Variants in EDNRA observed in about 807,000 individuals in gnomAD.
EDNRA encodes the protein endothelin-1 receptor.
EDNRA carries 11 observed loss-of-function variants against 41.4 expected under a neutral mutation model. The observed-to-expected ratio is 0.27, with a 90% CI of 0.17 to 0.44. The LOEUF (loss-of-function observed/expected upper bound fraction) is 0.44, where lower values mean the gene tolerates loss of function less well. Ranked by LOEUF, EDNRA falls within the 20% of genes least tolerant of loss-of-function variation. The pLI, the probability that EDNRA is intolerant of heterozygous loss-of-function variation, is 1.00. For missense variants in EDNRA, 294 were observed against 531.0 expected (o/e 0.55, Z 4.39); for synonymous variants, 172 against 183.0 (o/e 0.94, Z 0.49).
At chr4:147,511,351 C>CA (rs773236839) in intron 2 of EDNRA, among the ~76,000 whole-genome samples, 14 of 152,118 alleles carry the variant, frequency 9.2e-5, no homozygotes, top group Non-Finnish European at 2.1e-4. Flanking sequence ...GTTAAATATT[C>CA]AAAATCACCT....
intron 1 of EDNRA, 117 bp downstream of exon 1, chr4:147,481,493 C>G (rs1728755464): frequency 6.6e-6 from 1 of 152,308 alleles, no homozygotes; most frequent in Non-Finnish European, 1.5e-5. Context: ...TCTGGCCCGA[C>G]CGCCCTGCAG....
chr4:147,540,407 T>C lies in EDNRA; in HGVS notation c.1065T>C (p.Ile355=). 4 of 1,613,718 alleles carry C rather than the reference T, an allele frequency of 2.5e-6. No individual in the cohort carries two copies. Among genetic ancestry groups the C allele is most frequent in the Non-Finnish European group, 3.4e-6 (4 of 1,179,808 alleles). ...SFLLLMDYIG[I]NLATMNSCIN... ...TACTGCTCATGGATTACATCGGTAT[T>C]AACTTGGCAACCATGAATTCATGTA... Residue 355 remains isoleucine, a synonymous_variant, in exon 7 of 8, where the codon ATT becomes ATC. Coordinates refer to ENST00000651419, the MANE Select transcript of EDNRA (RefSeq NM_001957.4).
intron 2 of EDNRA, among the ~76,000 whole-genome samples, chr4:147,510,505 A>G (rs1729881790): frequency 6.6e-6 from 1 of 152,172 alleles, no homozygotes; most frequent in Non-Finnish European, 1.5e-5. Context: ...CAACTTTTTC[A>G]AGTAGCTTTA....
At chr4:147,516,611 G>T (rs550059462) in intron 2 of EDNRA, among the ~76,000 whole-genome samples, 3 of 152,232 alleles carry the variant, frequency 2.0e-5, no homozygotes, top group South Asian at 2.1e-4. Context: ...AAATATTAGG[G>T]TACATAGACT....
intron 4 of EDNRA, among the ~76,000 whole-genome samples, chr4:147,535,460 A>C (rs1730886894): frequency 6.6e-6 from 1 of 152,220 alleles, no homozygotes; most frequent in Non-Finnish European, 1.5e-5. Flanking sequence ...CAATAGTCAA[A>C]AGTAAAGCAG....
At chr4:147,501,105 A>C (rs539183998) in intron 2 of EDNRA, among the ~76,000 whole-genome samples, 1 of 152,020 alleles carries the variant, frequency 6.6e-6, no homozygotes, top group Non-Finnish European at 1.5e-5. Context: ...CATTTAGTTT[A>C]TTTGTGGAAA....
chr4:147,520,751 T>G (rs1730295467), intron 3 of EDNRA, among the ~76,000 whole-genome samples: 1 of 152,230 alleles, frequency 6.6e-6, no homozygotes, highest in African/African-American at 2.4e-5. Flanking sequence ...AGGTTTTCAT[T>G]CTAACTCATT....
chr4:147,487,632 A>G (rs1728994071), intron 2 of EDNRA, among the ~76,000 whole-genome samples: 2 of 152,216 alleles, frequency 1.3e-5, no homozygotes, highest in African/African-American at 4.8e-5. Context: ...TGGTTAAATT[A>G]TATTACCCTA....
At chr4:147,485,241 A>G (rs1450780760) in intron 1 of EDNRA, among the ~76,000 whole-genome samples, 1 of 144,610 alleles carries the variant, frequency 6.9e-6, no homozygotes, top group African/African-American at 2.6e-5. Context: ...AAGTATAGCT[A>G]TGTATAGAGA....
intron 2 of EDNRA, among the ~76,000 whole-genome samples, chr4:147,518,523 A>G (rs1730197280): frequency 1.3e-5 from 2 of 152,210 alleles, no homozygotes; most frequent in Non-Finnish European, 2.9e-5. Context: ...GAAAACCTCT[A>G]TAATGAAGTT....
chr4:147,523,502 T>TG lies in EDNRA; in HGVS notation c.548+3524_548+3525insG, dbSNP rs1295427041. Among the ~76,000 whole-genome samples the TG allele has an allele frequency of 4.6e-3, 686 of 150,156 alleles. 15 individuals are homozygous for TG. Among genetic ancestry groups the TG allele is most frequent in the African/African-American group, 0.016 (658 of 40,346 alleles). On this transcript the variant is annotated intron_variant, in intron 3 of 7. Transcript: ENST00000651419. ...GTTGTTTTTTTGTTTTTTTTGTTTTTTTTTTTGAGATGGAGTCTTGCTCTG... is the reference window on the plus strand; with the variant it reads ...GTTGTTTTTTTGTTTTTTTTGTTTTTGTTTTTTGAGATGGAGTCTTGCTCTG...
Position 147,543,828 on chromosome 4 carries a change from G to A in EDNRA, c.*1210G>A, listed in dbSNP as rs1731196312. On this transcript the variant is annotated 3_prime_UTR_variant, in exon 8 of 8. Coordinates refer to ENST00000651419, the MANE Select transcript of EDNRA (RefSeq NM_001957.4). Reference sequence around the variant, plus strand: ...ACCCACAAATGCCACCAGAACTTACGATTCTTCACTTCTTGGGGTTTTCAG... The same window carrying A: ...ACCCACAAATGCCACCAGAACTTACAATTCTTCACTTCTTGGGGTTTTCAG... 1.3e-5 allele frequency: 2 copies of A among 149,520 alleles called. No individual in the cohort carries two copies. The highest frequency in any genetic ancestry group is 6.8e-5 in the Admixed American group (1 of 14,814). 9.3% of individuals were successfully genotyped at this position (149,520 alleles called of 1,614,324 possible).
intron 2 of EDNRA, among the ~76,000 whole-genome samples, chr4:147,515,172 T>TA (rs1730071561): frequency 6.6e-6 from 1 of 152,226 alleles, no homozygotes; most frequent in African/African-American, 2.4e-5. Flanking sequence ...TTTGTTGGTC[T>TA]AGGACACAGT....
Position 147,542,635 on chromosome 4 carries a change from T to C in EDNRA, c.*17T>C. The C allele has an allele frequency of 6.2e-7, 1 of 1,612,346 alleles. No homozygotes were observed. The highest frequency in any genetic ancestry group is 2.2e-5 in the East Asian group (1 of 44,836). On this transcript the variant is annotated 3_prime_UTR_variant, in exon 8 of 8. Coordinates refer to ENST00000651419, the MANE Select transcript of EDNRA (RefSeq NM_001957.4). ...ATGAACTGACCACCCTTAGAAGCAC[T>C]CCTCGGTACTCCCATAATCCTCTCG...
chr4:147,505,567 C>G (rs1340115324), intron 2 of EDNRA, among the ~76,000 whole-genome samples: 1 of 150,430 alleles, frequency 6.6e-6, no homozygotes, highest in African/African-American at 2.5e-5. Context: ...GTCTCGAACC[C>G]CAGGCCTCAG....
At chr4:147,536,390 A>G (rs561274313) in intron 5 of EDNRA, among the ~76,000 whole-genome samples, 24 of 152,322 alleles carry the variant, frequency 1.6e-4, no homozygotes, top group Admixed American at 9.8e-4. Context: ...CTTGTTGTAG[A>G]AATAAAATAT....
chr4:147,511,967 CCATTCCATGAA>C (rs1466441841), intron 2 of EDNRA, among the ~76,000 whole-genome samples: 2 of 152,182 alleles, frequency 1.3e-5, no homozygotes. Context: ...AATCTTTTCT[CCATTCCATGAA>C]AACCAGGGTC....
chr4:147,491,786 C>T (rs1042681176), intron 2 of EDNRA: 3 of 152,218 alleles, frequency 2.0e-5, no homozygotes, highest in African/African-American at 7.2e-5. Context: ...ATGCTATCAT[C>T]ATAAAATTAG....
At chr4:147,541,392 A>T (rs1731098900) in intron 7 of EDNRA, among the ~76,000 whole-genome samples, 1 of 152,168 alleles carries the variant, frequency 6.6e-6, no homozygotes, top group African/African-American at 2.4e-5. Context: ...TATGAGGCAG[A>T]GTGCGGTAGA....
Sources: allele counts gnomAD v4.1 joint callset (sites outside exome capture counted in the v4.1 genomes callset), GRCh38; gene constraint gnomAD v4.1.1; transcripts MANE v1.5; gene names NCBI Gene and HGNC (gene_info 2026-07-23, HGNC 2026-07-21).